The following SLC8A1 variants were observed in gnomAD, a reference collection of about 807,000 sequenced individuals.
SLC8A1 encodes solute carrier family 8 member A1.
Under a neutral mutation model 68.3 loss-of-function variants are expected in SLC8A1, and 18 were observed. The observed-to-expected ratio is 0.26, with a 90% CI of 0.18 to 0.39. The LOEUF (loss-of-function observed/expected upper bound fraction) is 0.39. SLC8A1 is among the 10% of genes least tolerant of loss of function. The pLI is 1.00. For synonymous variants in SLC8A1, 475 were observed against 415.5 expected (o/e 1.14, Z -1.74); for missense variants, 985 against 1,156.7 (o/e 0.85, Z 2.15).
intron 7 of SLC8A1, among the ~76,000 whole-genome samples, chr2:40,138,415 G>A (rs2040928045): frequency 6.6e-6 from 1 of 152,196 alleles, no homozygotes; most frequent in East Asian, 1.9e-4. Context: ...TTTGCTTCTA[G>A]TCCTGCCTTT....
chr2:40,373,503 G>A (rs772455540), intron 2 of SLC8A1, among the ~76,000 whole-genome samples: 3 of 152,054 alleles, frequency 2.0e-5, no homozygotes, highest in Non-Finnish European at 2.9e-5. Flanking sequence ...ATTTACAGTT[G>A]TGGGAGGTGG....
At chr2:40,510,017 C>T (rs1270516197) in intron 1 of SLC8A1, among the ~76,000 whole-genome samples, 2 of 151,818 alleles carry the variant, frequency 1.3e-5, no homozygotes, top group African/African-American at 4.8e-5. Context: ...TAGTAGAGAC[C>T]GGGTTTCACT....
At chr2:40,417,708 C>T (rs574982278) in intron 2 of SLC8A1, among the ~76,000 whole-genome samples, 74 of 152,224 alleles carry the variant, frequency 4.9e-4, no homozygotes, top group Middle Eastern at 6.8e-3. Context: ...GGCCCCAAAG[C>T]GTGGGCCTTT....
At chr2:40,431,277 C>A (rs1305920294) in intron 1 of SLC8A1, among the ~76,000 whole-genome samples, 1 of 152,100 alleles carries the variant, frequency 6.6e-6, no homozygotes, top group African/African-American at 2.4e-5. Context: ...TTTCCATGGT[C>A]ATTCTAAAAT....
chr2:40,164,989 G>T lies in SLC8A1; in HGVS notation c.1931-5C>A. 6.2e-7 allele frequency: 1 copy of T among 1,613,666 alleles called. No homozygotes were observed. ...GCTGCTTGTCATCATATTCGTCTGT[G>T]AAACGGAAGTATCAGAGAGTGAGCA... On this transcript the variant is annotated splice_region_variant and splice_polypyrimidine_tract_variant and intron_variant, in intron 4 of 7. Transcript: ENST00000406785.
chr2:40,454,683 A>G (rs1034652817), upstream of SLC8A1, among the ~76,000 whole-genome samples: 1 of 152,188 alleles, frequency 6.6e-6, no homozygotes, highest in Admixed American at 6.5e-5. Context: ...TTTTTGGTTC[A>G]GTCAGTTTCT....
chr2:40,438,779 A>G (rs1167887724), intron 1 of SLC8A1, among the ~76,000 whole-genome samples: 1 of 152,156 alleles, frequency 6.6e-6, no homozygotes, highest in African/African-American at 2.4e-5. Flanking sequence ...ATAATCAGAT[A>G]CAGTTGAGGA....
At chr2:40,236,990 C>T (rs2060479725) in intron 2 of SLC8A1, among the ~76,000 whole-genome samples, 1 of 151,788 alleles carries the variant, frequency 6.6e-6, no homozygotes, top group African/African-American at 2.4e-5. Flanking sequence ...TGATGGGCTT[C>T]CCTTTGAGGG....
At chr2:40,442,413 GA>G (rs1190522008) in intron 1 of SLC8A1, among the ~76,000 whole-genome samples, 1 of 134,308 alleles carries the variant, frequency 7.4e-6, no homozygotes, top group Non-Finnish European at 1.6e-5. Flanking sequence ...AAAAAAAAAA[GA>G]AAAAACATCA....
At chr2:40,253,464 T>C (rs2063331487) in intron 2 of SLC8A1, among the ~76,000 whole-genome samples, 1 of 152,028 alleles carries the variant, frequency 6.6e-6, no homozygotes, top group African/African-American at 2.4e-5. Flanking sequence ...ACAAGTATTA[T>C]ATGTTCTCAC....
intron 2 of SLC8A1, among the ~76,000 whole-genome samples, chr2:40,317,353 C>G (rs1176519458): frequency 6.6e-6 from 1 of 151,938 alleles, no homozygotes; most frequent in Non-Finnish European, 1.5e-5. Context: ...TCATATTTTT[C>G]TGAATTAGGG....
At chr2:40,287,062 G>A (rs1488360734) in intron 2 of SLC8A1, among the ~76,000 whole-genome samples, 2 of 152,112 alleles carry the variant, frequency 1.3e-5, no homozygotes, top group Non-Finnish European at 2.9e-5. Context: ...TCCCATGAAA[G>A]GAATTTAAAA....
chr2:40,332,830 T>C (rs1043879106), intron 2 of SLC8A1, among the ~76,000 whole-genome samples: 1 of 152,240 alleles, frequency 6.6e-6, no homozygotes, highest in African/African-American at 2.4e-5. Flanking sequence ...TGTTATCAGA[T>C]AAACAAACCA....
In SLC8A1 at chr2:40,338,770, C is replaced by G. The variant is rs144026801; in HGVS notation, c.1808+89703G>C. 3.4e-3 allele frequency among the ~76,000 whole-genome samples: 519 copies of G among 152,184 alleles called. 2 individuals carry two copies. Among genetic ancestry groups the G allele is most frequent in the Middle Eastern group, 0.027 (8 of 294 alleles). ...TGGATTTTCTTCTTTTAGAAATTTC[C>G]TAATAGATCCTGAAAGGTATCATAT... On this transcript the variant is annotated intron_variant, in intron 2 of 7. Coordinates refer to ENST00000406785, the Ensembl canonical transcript of SLC8A1.
At chr2:40,371,703 G>T (rs745637368) in intron 2 of SLC8A1, among the ~76,000 whole-genome samples, 1 of 152,142 alleles carries the variant, frequency 6.6e-6, no homozygotes, top group Non-Finnish European at 1.5e-5. Context: ...AAACAAGAGA[G>T]AACAAAGGTT....
chr2:40,177,049 C>CT (rs11290360), intron 3 of SLC8A1, among the ~76,000 whole-genome samples: 1 of 151,766 alleles, frequency 6.6e-6, no homozygotes, highest in Non-Finnish European at 1.5e-5. Context: ...TTTATTTTTT[C>CT]TTTTTTTTAT....
intron 1 of SLC8A1, among the ~76,000 whole-genome samples, chr2:40,505,618 T>A (rs1419902417): frequency 6.6e-6 from 1 of 151,892 alleles, no homozygotes; most frequent in Non-Finnish European, 1.5e-5. Flanking sequence ...TACTCAAACA[T>A]CTATAGTAGG....
At chr2:40,442,627 C>A (rs537842018) in intron 1 of SLC8A1, among the ~76,000 whole-genome samples, 7 of 152,114 alleles carry the variant, frequency 4.6e-5, no homozygotes, top group African/African-American at 1.7e-4. Context: ...AGGCTGTGGA[C>A]AAACAGAAAT....
chr2:40,401,723 G>T (rs1419575401), intron 2 of SLC8A1, among the ~76,000 whole-genome samples: 3 of 151,428 alleles, frequency 2.0e-5, no homozygotes, highest in African/African-American at 7.3e-5. Flanking sequence ...TTTGCTAACT[G>T]AATACTATAT....
Sources: gnomAD v4.1 joint callset for allele counts (sites outside exome capture counted in the v4.1 genomes callset) on GRCh38, gnomAD v4.1.1 for gene constraint, MANE v1.5 for transcripts, NCBI Gene and HGNC (gene_info 2026-07-23, HGNC 2026-07-21) for gene names.